The following TMEM132E variants were observed in gnomAD, a reference collection of about 807,000 sequenced individuals.
TMEM132E encodes transmembrane protein 132E.
A neutral mutation model predicts 78.5 loss-of-function variants in TMEM132E; 49 were observed. That is an observed-to-expected ratio of 0.62 (90% CI 0.50 to 0.79). The LOEUF (loss-of-function observed/expected upper bound fraction) is 0.79. TMEM132E is among the 30% of genes least tolerant of loss of function. The pLI is 0.00. For missense variants in TMEM132E, 1,403 were observed against 1,470.9 expected (o/e 0.95, Z 0.75); for synonymous variants, 715 against 670.6 (o/e 1.07, Z -1.02).
At chr17:34,629,831 G>C (rs1907290687) in intron 4 of TMEM132E, among the ~76,000 whole-genome samples, 177 bp from the exon 5 acceptor site, 1 of 152,158 alleles carries the variant, frequency 6.6e-6, no homozygotes, top group Admixed American at 6.5e-5. Context: ...CAGACCATCT[G>C]TCAAGGAGTG....
In TMEM132E at chr17:34,613,197, C is replaced by CACCCA. The variant is rs1555563333; in HGVS notation, c.68-12930_68-12929insACCCA. Among the ~76,000 whole-genome samples, 173 of 131,118 alleles carry CACCCA rather than the reference C, an allele frequency of 1.3e-3. 3 individuals are homozygous for CACCCA. Among genetic ancestry groups the CACCCA allele is most frequent in the Middle Eastern group, 8.4e-3 (2 of 238 alleles). The allele number at this position is 131,118 out of a possible 152,430, so 86.0% of individuals were successfully genotyped here. Reference sequence around the variant, plus strand: ...TCTACACACACACACACACACACACCCACACACACACACACGCGCGCGCGC... The same window carrying CACCCA: ...TCTACACACACACACACACACACACCACCCACACACACACACACACGCGCGCGCGC... On this transcript the variant is annotated intron_variant, in intron 1 of 8. Coordinates refer to ENST00000631683, the MANE Select transcript of TMEM132E (RefSeq NM_001304438.2).
In TMEM132E at chr17:34,626,152, C is replaced by A; in HGVS notation, c.93C>A (p.Ser31Arg). The change falls in exon 2 of 9, where the codon AGC becomes AGA. Residue 31 changes from serine (S) to arginine (R), a missense_variant. Physicochemically the swap from Ser to Arg is moderately radical, Grantham distance 110. Transcript: ENST00000631683. ...CCTCTGGCCGCTCCCACCCGGCCAGCCCCAGCCCGCCGGGGCCGCAGGCCA... is the reference window on the plus strand; with the variant it reads ...CCTCTGGCCGCTCCCACCCGGCCAGACCCAGCCCGCCGGGGCCGCAGGCCA... ...AHASGRSHPASPSPPGPQASP... is the reference protein window; with the variant it reads ...AHASGRSHPARPSPPGPQASP... The A allele has an allele frequency of 6.5e-7, 1 of 1,543,806 alleles. No homozygotes were observed. The highest frequency in any genetic ancestry group is 2.4e-5 in the East Asian group (1 of 42,428).
intron 1 of TMEM132E, among the ~76,000 whole-genome samples, chr17:34,586,773 C>T (rs556931242): frequency 1.3e-5 from 2 of 149,800 alleles, no homozygotes; most frequent in Admixed American, 6.7e-5. Flanking sequence ...GCTTGTTGCA[C>T]GAATGAATGA....
chr17:34,590,715 G>A (rs1294210321), intron 1 of TMEM132E, among the ~76,000 whole-genome samples: 1 of 152,214 alleles, frequency 6.6e-6, no homozygotes, highest in Non-Finnish European at 1.5e-5. Flanking sequence ...TTCAGGGTAT[G>A]TAATTGGTAA....
intron 1 of TMEM132E, among the ~76,000 whole-genome samples, chr17:34,623,942 C>G (rs767817673): frequency 2.0e-5 from 3 of 152,190 alleles, no homozygotes; most frequent in African/African-American, 4.8e-5. Flanking sequence ...CTGCTGCACA[C>G]CCCCACCCCA....
intron 1 of TMEM132E, among the ~76,000 whole-genome samples, chr17:34,613,808 T>C (rs995575236): frequency 6.6e-6 from 1 of 151,750 alleles, no homozygotes; most frequent in Non-Finnish European, 1.5e-5. Context: ...GCAGTTCTCC[T>C]CTCTGGCGTG....
At chr17:34,592,047 G>A (rs1429205690) in intron 1 of TMEM132E, among the ~76,000 whole-genome samples, 4 of 152,262 alleles carry the variant, frequency 2.6e-5, no homozygotes, top group Non-Finnish European at 5.9e-5. Context: ...CTGCTGGGAA[G>A]CATGTTTAAG....
At chr17:34,586,972 G>T (rs59201881) in intron 1 of TMEM132E, among the ~76,000 whole-genome samples, 12,571 of 152,230 alleles carry the variant, frequency 0.083, 608 homozygotes, top group East Asian at 0.13. Flanking sequence ...TGAGCAGCTG[G>T]TTATTCTCTT....
At chr17:34,601,262 A>G (rs1162680276) in intron 1 of TMEM132E, among the ~76,000 whole-genome samples, 2 of 152,214 alleles carry the variant, frequency 1.3e-5, no homozygotes, top group African/African-American at 4.8e-5. Flanking sequence ...AGCCTCTGGA[A>G]AGCCCAGGAG....
intron 1 of TMEM132E, among the ~76,000 whole-genome samples, chr17:34,594,672 C>T (rs1905994568): frequency 6.6e-6 from 1 of 152,186 alleles, no homozygotes. Flanking sequence ...TCACTGCAGC[C>T]TCGAACTCTT....
intron 1 of TMEM132E, among the ~76,000 whole-genome samples, chr17:34,622,019 C>T (rs916030135): frequency 6.6e-6 from 1 of 152,358 alleles, no homozygotes; most frequent in African/African-American, 2.4e-5. Flanking sequence ...CTTCAAGGAA[C>T]CTTCCAGTAG....
At position 34,625,985 on chromosome 17, in the gene TMEM132E, G is replaced by A. The variant is rs62062163; in HGVS notation, c.68-142G>A. ...GAGCCAGGGTTGGGGCCCACCGGAGGATGGACAGCCAGGCTGAACCTGCCC... is the reference window on the plus strand; with the variant it reads ...GAGCCAGGGTTGGGGCCCACCGGAGAATGGACAGCCAGGCTGAACCTGCCC... On this transcript the variant is annotated intron_variant, in intron 1 of 8. Transcript: ENST00000631683. 0.21 allele frequency: 161,916 copies of A among 760,202 alleles called. 18,731 individuals are homozygous for A. The highest frequency in any genetic ancestry group is 0.38 in the Admixed American group (11,658 of 30,666). 47.1% of individuals were successfully genotyped at this position (760,202 alleles called of 1,614,324 possible). A position where few individuals can be genotyped will look rare whatever the true frequency, so the allele number is the denominator to read the frequency against.
chr17:34,622,364 G>A (rs1319717432), intron 1 of TMEM132E, among the ~76,000 whole-genome samples: 3 of 152,230 alleles, frequency 2.0e-5, no homozygotes, highest in Admixed American at 6.5e-5. Flanking sequence ...ATGCTGAGGA[G>A]ACTGAAGGGC....
At position 34,626,607 on chromosome 17, in the gene TMEM132E, G is replaced by C; in HGVS notation, c.548G>C (p.Ser183Thr). 1 of 1,517,764 alleles carries C rather than the reference G, an allele frequency of 6.6e-7. No homozygotes were observed. Among genetic ancestry groups the C allele is most frequent in the South Asian group, 1.3e-5 (1 of 77,990 alleles). The allele number at this position is 1,517,764 out of a possible 1,614,324, so 94.0% of individuals were successfully genotyped here. A position where few individuals can be genotyped will look rare whatever the true frequency, so the allele number is the denominator to read the frequency against. Reference protein sequence around the residue: ...AREVKSSCRLSGGLATCLVRA... With the variant: ...AREVKSSCRLTGGLATCLVRA... Reference sequence around the variant, plus strand: ...GAAGTCAAGAGCTCCTGCCGCCTCAGCGGGGGCCTGGCCACTTGTCTGGTG... The same window carrying C: ...GAAGTCAAGAGCTCCTGCCGCCTCACCGGGGGCCTGGCCACTTGTCTGGTG... The change falls in exon 2 of 9, where the codon AGC (serine) becomes ACC (threonine). Residue 183 changes from serine (S) to threonine (T), a missense_variant. Ser to Thr is a moderately conservative substitution (Grantham distance 58, BLOSUM62 1). This residue lies in a region of TMEM132E where 511 missense variants were observed against 499.0 expected (regional missense o/e 1.02). Transcript: ENST00000631683.
At chr17:34,587,617 C>T (rs1317941863) in intron 1 of TMEM132E, among the ~76,000 whole-genome samples, 1 of 152,120 alleles carries the variant, frequency 6.6e-6, no homozygotes, top group Non-Finnish European at 1.5e-5. Flanking sequence ...TTTGGGGGAG[C>T]CTGGCTCTGG....
chr17:34,603,897 C>T (rs376291911), intron 1 of TMEM132E, among the ~76,000 whole-genome samples: 24 of 152,266 alleles, frequency 1.6e-4, no homozygotes, highest in East Asian at 1.2e-3. Context: ...CAGCCCCCTC[C>T]GCCACCAGGC....
rs940326315 is a variant in TMEM132E, at chr17:34,580,256, G to T, written c.-821G>T. The T allele has an allele frequency of 3.9e-5, 6 of 152,356 alleles. No homozygotes were observed. Among genetic ancestry groups the T allele is most frequent in the Non-Finnish European group, 8.8e-5 (6 of 68,146 alleles). 9.4% of individuals were successfully genotyped at this position (152,356 alleles called of 1,614,324 possible). On this transcript the variant is annotated 5_prime_UTR_variant, in exon 1 of 9. Transcript: ENST00000631683. ...CTTCTCCAAGCCCCATCTACATGGG[G>T]CAGCCCGTTCTGGCCGCGCCACCCT...
intron 1 of TMEM132E, among the ~76,000 whole-genome samples, chr17:34,612,870 G>T (rs1906636874): frequency 6.6e-6 from 1 of 152,056 alleles, no homozygotes; most frequent in Non-Finnish European, 1.5e-5. Flanking sequence ...TCACTGGGGG[G>T]GGCAGTGGGG....
At position 34,632,780 on chromosome 17, in the gene TMEM132E, G is replaced by T. The variant is rs200983961; in HGVS notation, c.1559G>T (p.Arg520Leu). Residue 520 changes from arginine to leucine, a missense_variant, in exon 6 of 9, where the codon CGC (arginine) becomes CTC (leucine). Physicochemically the swap from Arg to Leu is moderately radical, Grantham distance 102. Transcript: ENST00000631683. The part of the protein sequence containing the change: ...RGSMNARVTF[R>L]YDVLNAPLEM... ...TCCATGAACGCCAGGGTCACCTTCC[G>T]CTACGACGTCCTCAATGCTCCCCTG... The T allele has an allele frequency of 2.3e-5, 37 of 1,614,156 alleles. No homozygotes were observed. The highest frequency in any genetic ancestry group is 3.0e-5 in the Non-Finnish European group (35 of 1,180,038).
Sources: gnomAD v4.1 joint callset for allele counts (sites outside exome capture counted in the v4.1 genomes callset) on GRCh38, gnomAD v4.1.1 for gene constraint, gnomAD v4.1.1 regional missense constraint, MANE v1.5 for transcripts, NCBI Gene and HGNC (gene_info 2026-07-23, HGNC 2026-07-21) for gene names.